The following ZNF548 variants were observed in gnomAD, a reference collection of about 807,000 sequenced individuals.
ZNF548 encodes zinc finger protein 548.
ZNF548 carries 10 observed loss-of-function variants against 10.2 expected under a neutral mutation model. The ratio of observed to expected loss-of-function variants is 0.98; its 90% CI spans 0.60 to 1.66. The LOEUF (loss-of-function observed/expected upper bound fraction) is 1.66. Among genes scored for constraint, ZNF548 ranks in the 40% most tolerant of loss-of-function variants. The pLI is 0.00. For synonymous variants in ZNF548, 217 were observed against 223.5 expected, an observed-to-expected ratio of 0.97 and a Z score of 0.26; for missense variants, 599 against 657.0, an observed-to-expected ratio of 0.91 and a Z score of 0.97.
At position 57,398,501 on chromosome 19, in the gene ZNF548, A is replaced by G. The variant is rs961138871; in HGVS notation, c.250A>G (p.Thr84Ala). The change falls in exon 4 of 4, where the codon ACA becomes GCA. Residue 84 changes from threonine (T) to alanine (A), a missense_variant. By Grantham distance (58) the Thr-to-Ala change is moderately conservative. Coordinates refer to ENST00000336128, the MANE Select transcript of ZNF548 (RefSeq NM_001172773.2). ...QGFSVGVSEV[T>A]ASKPCLSSQK... is the part of the protein sequence containing the mutation. ...TTTTTCTGTAGGAGTGTCAGAGGTTACAGCTTCAAAGCCCTGTCTGTCCAG... is the reference window on the plus strand; with the variant it reads ...TTTTTCTGTAGGAGTGTCAGAGGTTGCAGCTTCAAAGCCCTGTCTGTCCAG... 1 of 1,614,192 alleles carries G rather than the reference A, an allele frequency of 6.2e-7. No individual in the cohort carries two copies. Among genetic ancestry groups the G allele is most frequent in the Non-Finnish European group, 8.5e-7 (1 of 1,180,010 alleles).
In ZNF548 at chr19:57,400,948, TTTA is replaced by T. The variant is rs1450830132; in HGVS notation, c.*1062_*1064del. ...GGTGGAATCTATAGTGTCTTTCATT[TTTA>T]TTTTGTGAATGATTGATGATGTTGA... is the stretch of plus-strand genomic sequence containing the variant. On this transcript the variant is annotated 3_prime_UTR_variant, in exon 4 of 4. Transcript: ENST00000336128. The T allele has an allele frequency of 2.0e-5, 3 of 152,200 alleles. No individual in the cohort carries two copies. The highest frequency in any genetic ancestry group is 7.2e-5 in the African/African-American group (3 of 41,438). 9.4% of individuals were successfully genotyped at this position (152,200 alleles called of 1,614,324 possible). A position where few individuals can be genotyped will look rare whatever the true frequency, so the allele number is the denominator to read the frequency against.
chr19:57,399,312 G>A lies in ZNF548; in HGVS notation c.1061G>A (p.Cys354Tyr), dbSNP rs1218036067. The change falls in exon 4 of 4, where the codon TGT becomes TAT. Residue 354 changes from cysteine (C) to tyrosine (Y), a missense_variant. Cys to Tyr is a radical substitution (Grantham distance 194). Transcript: ENST00000336128. This position sits in a 1 kb window ranked among gnomAD's most constrained non-coding sequence, Gnocchi z 4.0. ...TGERPYKCND[C>Y]GKFFRYISTL... ...GAAAGACCTTATAAGTGCAATGATT[G>A]TGGGAAATTTTTTAGGTATATCTCC... is the stretch of plus-strand genomic sequence containing the variant. 1 of 1,613,954 alleles carries A rather than the reference G, an allele frequency of 6.2e-7. No homozygotes were observed. Among genetic ancestry groups the A allele is most frequent in the Non-Finnish European group, 8.5e-7 (1 of 1,179,930 alleles).
rs1355584470 is a variant in ZNF548, at chr19:57,399,110, C to A, written c.859C>A (p.His287Asn). Residue 287 changes from histidine to asparagine, a missense_variant, in exon 4 of 4, where the codon CAC (histidine) becomes AAC (asparagine). Coordinates refer to ENST00000336128, the MANE Select transcript of ZNF548 (RefSeq NM_001172773.2). The surrounding 1 kb of genome is among the most constrained non-coding windows in gnomAD (Gnocchi z 4.0). Reference protein sequence around the residue: ...NYRLMRHKRVHTGERPYECNT... With the variant: ...NYRLMRHKRVNTGERPYECNT... ...CCGACTCATGAGACATAAGCGAGTT[C>A]ACACTGGAGAAAGGCCTTATGAGTG... 6.2e-7 allele frequency: 1 copy of A among 1,614,212 alleles called. No individual in the cohort carries two copies. The highest frequency in any genetic ancestry group is 1.1e-5 in the South Asian group (1 of 91,082).
rs2088719466 is a variant in ZNF548, at chr19:57,401,790, G to T, written c.*1901G>T. On this transcript the variant is annotated 3_prime_UTR_variant, in exon 4 of 4. Transcript: ENST00000336128. ...GTCTTGCTCTGTCACCCAGCCTGGA[G>T]TGCAGTAGTGGAATCTCAGCTCACT... 6.6e-6 allele frequency: 1 copy of T among 150,664 alleles called. No homozygotes were observed. Among genetic ancestry groups the T allele is most frequent in the African/African-American group, 2.5e-5 (1 of 40,784 alleles). 9.3% of individuals were successfully genotyped at this position (150,664 alleles called of 1,614,324 possible).
rs747153591 is a variant in ZNF548 at position 57,398,794 on chromosome 19, C to T, written c.543C>T (p.Leu181=). ...WKDLPATSCL[L]QHQGPQSEWK... ...ACTTACCAGCCACCTCATGCCTTCT[C>T]CAGCACCAGGGCCCTCAAAGCGAGT... Residue 181 remains leucine (L), a synonymous_variant, in exon 4 of 4, where the codon CTC becomes CTT. Transcript: ENST00000336128. The T allele has an allele frequency of 8.4e-5, 136 of 1,613,922 alleles. No individual in the cohort carries two copies. The highest frequency in any genetic ancestry group is 1.1e-4 in the Non-Finnish European group (134 of 1,179,912).
intron 1 of ZNF548, 121 bp downstream of exon 1, chr19:57,390,235 C>T: frequency 3.5e-6 from 4 of 1,134,522 alleles, no homozygotes; most frequent in Non-Finnish European, 3.7e-6. Flanking sequence ...TGTGGGGTCC[C>T]CGTATCAGCC....
Position 57,398,716 on chromosome 19 carries a change from C to A in ZNF548, c.465C>A (p.Asn155Lys), listed in dbSNP as rs2088686452. The A allele has an allele frequency of 6.2e-7, 1 of 1,613,702 alleles. No homozygotes were observed. Among genetic ancestry groups the A allele is most frequent in the African/African-American group, 1.3e-5 (1 of 74,834 alleles). Residue 155 changes from asparagine to lysine, a missense_variant, in exon 4 of 4, where the codon AAC becomes AAA. Coordinates refer to ENST00000336128, the MANE Select transcript of ZNF548 (RefSeq NM_001172773.2). ...ATTGGATACCTTCATTTGGGAAGAACCACAGAGTTCACATGGCAGAGGAGA... is the reference window on the plus strand; with the variant it reads ...ATTGGATACCTTCATTTGGGAAGAAACACAGAGTTCACATGGCAGAGGAGA... Reference protein sequence around the residue: ...GDDWIPSFGKNHRVHMAEEIF... With the variant: ...GDDWIPSFGKKHRVHMAEEIF...
At chr19:57,396,420 T>A (rs1396031618) in intron 2 of ZNF548, among the ~76,000 whole-genome samples, 2 of 152,194 alleles carry the variant, frequency 1.3e-5, no homozygotes, top group African/African-American at 4.8e-5. Context: ...AAGTCACTCA[T>A]GCCACCTGGA....
chr19:57,394,874 G>A (rs1359086228), intron 2 of ZNF548, among the ~76,000 whole-genome samples: 2 of 152,144 alleles, frequency 1.3e-5, no homozygotes, highest in Non-Finnish European at 2.9e-5. Flanking sequence ...GGGGAATCAG[G>A]AGTGGCCCCA....
In ZNF548 at chr19:57,400,978, G is replaced by A. The variant is rs1037876799; in HGVS notation, c.*1089G>A. The A allele has an allele frequency of 5.3e-5, 8 of 152,070 alleles. No individual in the cohort carries two copies. The highest frequency in any genetic ancestry group is 2.1e-4 in the South Asian group (1 of 4,826). The allele number at this position is 152,070 out of a possible 1,614,324, so 9.4% of individuals were successfully genotyped here. A position where few individuals can be genotyped will look rare whatever the true frequency, so the allele number is the denominator to read the frequency against. ...TTTGTGAATGATTGATGATGTTGAG[G>A]ATCTTTTCATGTGCTTGTTAGGCAT... On this transcript the variant is annotated 3_prime_UTR_variant, in exon 4 of 4. Transcript: ENST00000336128.
chr19:57,390,393 C>T (rs73634680), intron 1 of ZNF548: 8,715 of 387,502 alleles, frequency 0.022, 215 homozygotes, highest in African/African-American at 0.086. Context: ...GAATGGCAAC[C>T]TGAGCAGCCA....
At chr19:57,393,010 G>C (rs866894430) in intron 1 of ZNF548, 4 of 982,830 alleles carry the variant, frequency 4.1e-6, no homozygotes, top group Non-Finnish European at 4.8e-6. Context: ...GCACCTGCAG[G>C]CTTGGTTGAC....
In ZNF548 at chr19:57,401,167, C is replaced by G. The variant is rs1315953762; in HGVS notation, c.*1278C>G. On this transcript the variant is annotated 3_prime_UTR_variant, in exon 4 of 4. Coordinates refer to ENST00000336128, the MANE Select transcript of ZNF548 (RefSeq NM_001172773.2). ...CCAGTCCATAGGTTGCTTTTTCGCTCTGTTGATTGTGTCCTTTGATGAAAT... is the reference window on the plus strand; with the variant it reads ...CCAGTCCATAGGTTGCTTTTTCGCTGTGTTGATTGTGTCCTTTGATGAAAT... 3.3e-5 allele frequency: 5 copies of G among 152,204 alleles called. No homozygotes were observed. The South Asian group carries it at 8.3e-4, about 25-fold the overall frequency. The allele number at this position is 152,204 out of a possible 1,614,324, so 9.4% of individuals were successfully genotyped here. A position where few individuals can be genotyped will look rare whatever the true frequency, so the allele number is the denominator to read the frequency against.
At chr19:57,393,684 G>T (rs1213087436) in intron 1 of ZNF548, among the ~76,000 whole-genome samples, 1 of 112,378 alleles carries the variant, frequency 8.9e-6, no homozygotes, top group Non-Finnish European at 1.9e-5. Flanking sequence ...GGAGAGGGGA[G>T]GGGAGGGGAG....
chr19:57,393,696 G>A (rs1307157135), intron 1 of ZNF548, among the ~76,000 whole-genome samples: 1 of 94,344 alleles, frequency 1.1e-5, no homozygotes, highest in Non-Finnish European at 2.2e-5. Context: ...GGAGGGGAGG[G>A]CAGAGGAGGG....
chr19:57,399,672 A>T lies in ZNF548; in HGVS notation c.1421A>T (p.His474Leu). The T allele has an allele frequency of 1.2e-6, 2 of 1,613,990 alleles. No individual in the cohort carries two copies. The highest frequency in any genetic ancestry group is 1.7e-6 in the Non-Finnish European group (2 of 1,179,950). The change falls in exon 4 of 4, where the codon CAT becomes CTT. Residue 474 changes from histidine (H) to leucine (L), a missense_variant. By Grantham distance (99) the His-to-Leu change is moderately conservative. Transcript: ENST00000336128. This position sits in a 1 kb window ranked among gnomAD's most constrained non-coding sequence, Gnocchi z 4.0. ...RECGKAFSHK[H>L]ILVEHQKIHS... ...TGTGGGAAAGCCTTTAGCCACAAGC[A>T]TATACTTGTTGAGCACCAGAAAATC...
chr19:57,396,956 A>C, intron 2 of ZNF548, 92 bp from the exon 3 acceptor site: 1 of 1,506,418 alleles, frequency 6.6e-7, no homozygotes, highest in Non-Finnish European at 8.9e-7. Flanking sequence ...CCTGTGTTTA[A>C]TGGGTGGTAA....
intron 1 of ZNF548, among the ~76,000 whole-genome samples, chr19:57,391,867 C>T (rs553975753): frequency 1.4e-5 from 2 of 138,498 alleles, no homozygotes; most frequent in Non-Finnish European, 3.0e-5. Context: ...GATCTCGGCT[C>T]ACTGCAACCT....
chr19:57,391,473 G>C (rs1320702493), intron 1 of ZNF548, among the ~76,000 whole-genome samples: 1 of 152,034 alleles, frequency 6.6e-6, no homozygotes, highest in Non-Finnish European at 1.5e-5. Context: ...CCTTTGGGTA[G>C]ATGCCCAGTA....
Sources: allele counts gnomAD v4.1 joint callset (sites outside exome capture counted in the v4.1 genomes callset), GRCh38; gene constraint gnomAD v4.1.1; non-coding constraint Gnocchi (gnomAD v3.1); transcripts MANE v1.5; gene names NCBI Gene and HGNC (gene_info 2026-07-23, HGNC 2026-07-21).